SNRNP200: variants seen among roughly 807,000 people sequenced by gnomAD.
The protein encoded by SNRNP200 is small nuclear ribonucleoprotein U5 subunit 200, also known as U5 small nuclear ribonucleoprotein 200 kDa helicase.
Under a neutral mutation model 255.2 loss-of-function variants are expected in SNRNP200, and 66 were observed. The ratio of observed to expected loss-of-function variants is 0.26; its 90% CI spans 0.21 to 0.32. SNRNP200 has a LOEUF of 0.32. Among genes scored for constraint, SNRNP200 ranks in the 10% least tolerant of loss-of-function variants. The pLI is 1.00. For synonymous variants in SNRNP200, 939 were observed against 1,027.8 expected, an observed-to-expected ratio of 0.91 and a Z score of 1.65; for missense variants, 1,585 against 2,749.8, an observed-to-expected ratio of 0.58 and a Z score of 9.47.
In SNRNP200 at chr2:96,274,732, G is replaced by T. The variant is rs189429202; in HGVS notation, c.*280C>A. On this transcript the variant is annotated 3_prime_UTR_variant, in exon 45 of 45. Coordinates refer to ENST00000323853, the MANE Select transcript of SNRNP200 (RefSeq NM_014014.5). ...ATTTGGAATCACTACAAAGACAAATGGTTTCTACAAATTATTTTATTAGAA... is the reference window on the plus strand; with the variant it reads ...ATTTGGAATCACTACAAAGACAAATTGTTTCTACAAATTATTTTATTAGAA... 1 of 485,882 alleles carries T rather than the reference G, an allele frequency of 2.1e-6. No individual in the cohort carries two copies. The highest frequency in any genetic ancestry group is 1.9e-5 in the African/African-American group (1 of 51,320). 30.1% of individuals were successfully genotyped at this position (485,882 alleles called of 1,614,324 possible). A position where few individuals can be genotyped will look rare whatever the true frequency, so the allele number is the denominator to read the frequency against.
At chr2:96,292,038 T>A in intron 16 of SNRNP200, 138 bp from the exon 17 acceptor site, 1 of 935,186 alleles carries the variant, frequency 1.1e-6, no homozygotes, top group Non-Finnish European at 1.7e-6. Context: ...GTGTGCAGGC[T>A]CAGAGGAAGC....
intron 35 of SNRNP200, among the ~76,000 whole-genome samples, chr2:96,280,184 C>A (rs1040886403): frequency 6.6e-6 from 1 of 152,194 alleles, no homozygotes; most frequent in Non-Finnish European, 1.5e-5. Flanking sequence ...TCAAACTAAT[C>A]TGCATTTCAG....
intron 14 of SNRNP200, 132 bp downstream of exon 14, chr2:96,295,356 G>A (rs561801347): frequency 4.1e-6 from 6 of 1,462,302 alleles, no homozygotes; most frequent in East Asian, 4.5e-5. Flanking sequence ...CTCATCCTAC[G>A]GAATTGGAGG....
In SNRNP200 at chr2:96,299,423, C is replaced by T. The variant is rs773996022; in HGVS notation, c.635G>A (p.Gly212Asp). 5.6e-6 allele frequency: 9 copies of T among 1,613,678 alleles called. No individual in the cohort carries two copies. The highest frequency in any genetic ancestry group is 7.6e-6 in the Non-Finnish European group (9 of 1,179,642). ...AACCTCCCCGTATACGTCTTCATCA[C>T]CTTCCTGTGGAAATGACCCCAACTC... ...NVQFESDEEE[G>D]DEDVYGEVRE... The change falls in exon 6 of 45, where the codon GGT (glycine) becomes GAT (aspartate). Residue 212 changes from glycine (G) to aspartate (D), a missense_variant. Around this residue, in one of 9 missense-constraint regions of SNRNP200, gnomAD observed 383 missense variants for 645.3 expected, o/e 0.59. Transcript: ENST00000323853.
chr2:96,305,342 C>T, intron 1 of SNRNP200, 51 bp downstream of exon 1: 1 of 1,610,948 alleles, frequency 6.2e-7, no homozygotes, highest in Non-Finnish European at 8.5e-7. Context: ...TCAGCCTCCC[C>T]CTCCCCATTG....
intron 5 of SNRNP200, 127 bp from the exon 6 acceptor site, chr2:96,299,554 C>T: frequency 1.3e-6 from 1 of 779,634 alleles, no homozygotes; most frequent in Admixed American, 1.9e-5. Context: ...AACCGAGAGC[C>T]TATTGGAACC....
At chr2:96,303,911 C>T (rs1409674290) in intron 2 of SNRNP200, among the ~76,000 whole-genome samples, 1 of 143,182 alleles carries the variant, frequency 7.0e-6, no homozygotes, top group Non-Finnish European at 1.5e-5. Flanking sequence ...AAAAAAAGTA[C>T]AACCCTTCAT....
chr2:96,286,040 C>A lies in SNRNP200; in HGVS notation c.4003+271G>T, dbSNP rs1418511311. Among the ~76,000 whole-genome samples, 3 of 152,200 alleles carry A rather than the reference C, an allele frequency of 2.0e-5. No homozygotes were observed. The highest frequency in any genetic ancestry group is 4.4e-5 in the Non-Finnish European group (3 of 68,032). On this transcript the variant is annotated intron_variant, in intron 29 of 44. Transcript: ENST00000323853. This position sits in a 1 kb window ranked among gnomAD's most constrained non-coding sequence, Gnocchi z 4.8. ...ATGGTTCTGGTTCAATACTTGAGCGCCAGGGGCAGGCCTCTAAGCCTCCTG... is the reference window on the plus strand; with the variant it reads ...ATGGTTCTGGTTCAATACTTGAGCGACAGGGGCAGGCCTCTAAGCCTCCTG...
chr2:96,297,520 T>C lies in SNRNP200; in HGVS notation c.1220A>G (p.Gln407Arg). ...AACCAGGTCCTCCAAGTCCAGAACC[T>C]GCCGTGGAGCCAGTGCCTGGGAATG... ...DQGGEALAPR[Q>R]VLDLEDLVFT... The change falls in exon 11 of 45, where the codon CAG becomes CGG. Residue 407 changes from glutamine to arginine, a missense_variant. Physicochemically the swap from Gln to Arg is conservative, Grantham distance 43. Coordinates refer to ENST00000323853, the MANE Select transcript of SNRNP200 (RefSeq NM_014014.5). 1 of 1,614,132 alleles carries C rather than the reference T, an allele frequency of 6.2e-7. No homozygotes were observed. The highest frequency in any genetic ancestry group is 8.5e-7 in the Non-Finnish European group (1 of 1,180,008).
At position 96,289,290 on chromosome 2, in the gene SNRNP200, A is replaced by G; in HGVS notation, c.3030T>C (p.Ser1010=). The change falls in exon 22 of 45, where the codon AGT becomes AGC. Residue 1010 remains serine (S), a synonymous_variant. Coordinates refer to ENST00000323853, the MANE Select transcript of SNRNP200 (RefSeq NM_014014.5). ...AGAAGACCCTGAAAAGCTCAATCTC[A>G]CTCAGGGTGGGCTTCAGCAGCTGGT... ...TYNQLLKPTL[S]EIELFRVFSL... The G allele has an allele frequency of 1.2e-6, 2 of 1,609,790 alleles. No homozygotes were observed. Among genetic ancestry groups the G allele is most frequent in the Non-Finnish European group, 1.7e-6 (2 of 1,176,164 alleles).
rs369238035 is a variant in SNRNP200, at chr2:96,283,226, G to A, written c.4890C>T (p.Arg1630=). Residue 1630 remains arginine (R), a synonymous_variant, in exon 34 of 45, where the codon CGC becomes CGT. Coordinates refer to ENST00000323853, the MANE Select transcript of SNRNP200 (RefSeq NM_014014.5). The surrounding 1 kb of genome is among the most constrained non-coding windows in gnomAD (Gnocchi z 4.7). ...LHEGLSPMER[R]LVEQLFSSGA... is the part of the protein sequence containing the mutation. ...CTGAGCTGAAGAGCTGCTCCACCAGGCGTCGCTCCATGGGGCTGAGCCCCT... is the reference window on the plus strand; with the variant it reads ...CTGAGCTGAAGAGCTGCTCCACCAGACGTCGCTCCATGGGGCTGAGCCCCT... 7 of 1,614,182 alleles carry A rather than the reference G, an allele frequency of 4.3e-6. No homozygotes were observed. Among genetic ancestry groups the A allele is most frequent in the Admixed American group, 1.7e-5 (1 of 60,026 alleles).
chr2:96,300,959 G>T (rs181808952), intron 5 of SNRNP200, 39 bp downstream of exon 5: 12 of 1,580,210 alleles, frequency 7.6e-6, no homozygotes, highest in African/African-American at 1.3e-5. Context: ...CTTAATCAAC[G>T]TCAAAAACAA....
intron 43 of SNRNP200, among the ~76,000 whole-genome samples, chr2:96,275,920 G>A (rs1419332278): frequency 1.3e-5 from 2 of 152,212 alleles, no homozygotes; most frequent in African/African-American, 4.8e-5. Flanking sequence ...GCAGGAGGAT[G>A]GCGTGATTCC....
chr2:96,294,675 A>G (rs73958197), intron 14 of SNRNP200, among the ~76,000 whole-genome samples: 2 of 152,136 alleles, frequency 1.3e-5, no homozygotes, highest in South Asian at 4.1e-4. Context: ...CTTAAACTAT[A>G]CTCAGACTTA....
In SNRNP200 at chr2:96,287,333, G is replaced by T; in HGVS notation, c.3484+106C>A. On this transcript the variant is annotated intron_variant, in intron 26 of 44. Coordinates refer to ENST00000323853, the MANE Select transcript of SNRNP200 (RefSeq NM_014014.5). The surrounding 1 kb of genome is among the most constrained non-coding windows in gnomAD (Gnocchi z 5.7). ...CCTGTACTTCAGTGGGACTTGGGGA[G>T]TGAACACAGGATACTAATGCACAGG... 1 of 1,167,654 alleles carries T rather than the reference G, an allele frequency of 8.6e-7. No individual in the cohort carries two copies. Among genetic ancestry groups the T allele is most frequent in the Non-Finnish European group, 1.3e-6 (1 of 773,192 alleles). The allele number at this position is 1,167,654 out of a possible 1,614,324, so 72.3% of individuals were successfully genotyped here. A position where few individuals can be genotyped will look rare whatever the true frequency, so the allele number is the denominator to read the frequency against.
Position 96,291,916 on chromosome 2 carries a change from A to G in SNRNP200, c.2161-16T>C. 1 of 1,613,258 alleles carries G rather than the reference A, an allele frequency of 6.2e-7. No homozygotes were observed. The highest frequency in any genetic ancestry group is 1.1e-5 in the South Asian group (1 of 91,088). ...ACACCAGCACCTAAGGAGAAGCCAC[A>G]GTTTGCTACAGTCACGAGATACTCA... On this transcript the variant is annotated splice_polypyrimidine_tract_variant and intron_variant, in intron 16 of 44. Transcript: ENST00000323853. The surrounding 1 kb of genome is among the most constrained non-coding windows in gnomAD (Gnocchi z 4.2).
Position 96,276,994 on chromosome 2 carries a change from G to A in SNRNP200, c.6093-9C>T, listed in dbSNP as rs780039091. On this transcript the variant is annotated splice_polypyrimidine_tract_variant and intron_variant, in intron 42 of 44. Coordinates refer to ENST00000323853, the MANE Select transcript of SNRNP200 (RefSeq NM_014014.5). Reference sequence around the variant, plus strand: ...CCACAACTGGCCCGCCACTGCAGGGGGAGAGGAGGGGCGCACGTCAGTGAT... The same window carrying A: ...CCACAACTGGCCCGCCACTGCAGGGAGAGAGGAGGGGCGCACGTCAGTGAT... The A allele has an allele frequency of 1.4e-5, 22 of 1,614,116 alleles. No individual in the cohort carries two copies. The South Asian group carries it at 2.4e-4, about 18-fold the overall frequency.
chr2:96,287,631 A>G lies in SNRNP200; in HGVS notation c.3366-74T>C, dbSNP rs2063851756. The G allele has an allele frequency of 1.7e-6, 2 of 1,145,006 alleles. No homozygotes were observed. Among genetic ancestry groups the G allele is most frequent in the Admixed American group, 3.4e-5 (2 of 59,416 alleles). 70.9% of individuals were successfully genotyped at this position (1,145,006 alleles called of 1,614,324 possible). ...CAAACCACCCACTTCATGGCTTCCA[A>G]TAGTTTAGCAGTGACTACACAAAAC... On this transcript the variant is annotated intron_variant, in intron 25 of 44. Coordinates refer to ENST00000323853, the MANE Select transcript of SNRNP200 (RefSeq NM_014014.5). The surrounding 1 kb of genome is among the most constrained non-coding windows in gnomAD (Gnocchi z 5.7).
chr2:96,301,443 A>C (rs2063951482), intron 4 of SNRNP200, 81 bp downstream of exon 4: 2 of 1,433,252 alleles, frequency 1.4e-6, no homozygotes, highest in East Asian at 4.5e-5. Flanking sequence ...TAAGGTTTTT[A>C]AATGAATGAT....
Sources: gnomAD v4.1 joint callset for allele counts (sites outside exome capture counted in the v4.1 genomes callset) on GRCh38, gnomAD v4.1.1 for gene constraint, gnomAD v4.1.1 regional missense constraint, Gnocchi (gnomAD v3.1) non-coding constraint, MANE v1.5 for transcripts, NCBI Gene and HGNC (gene_info 2026-07-23, HGNC 2026-07-21) for gene names.